CAT: variants seen among roughly 807,000 people sequenced by gnomAD.
CAT encodes epididymis secretory sperm binding protein.
Under a neutral mutation model 59.0 loss-of-function variants are expected in CAT, and 43 were observed. That is an observed-to-expected ratio of 0.73 (90% CI 0.57 to 0.94). CAT has a LOEUF of 0.94. Among genes scored for constraint, CAT ranks in the 40% least tolerant of loss-of-function variants. CAT has a pLI of 0.00. For synonymous variants in CAT, 218 were observed against 230.9 expected (o/e 0.94, Z 0.51); for missense variants, 664 against 682.9 (o/e 0.97, Z 0.31).
chr11:34,457,415 C>G (rs1856604371), intron 8 of CAT, among the ~76,000 whole-genome samples: 1 of 151,954 alleles, frequency 6.6e-6, no homozygotes, highest in South Asian at 2.1e-4. Context: ...CCCTGTTGGC[C>G]AGGCTGGTCT....
At chr11:34,465,141 ATAAAGT>A (rs1381631826) in intron 10 of CAT, among the ~76,000 whole-genome samples, 6 of 152,242 alleles carry the variant, frequency 3.9e-5, no homozygotes, top group South Asian at 2.1e-4. Context: ...CAATAAAATA[ATAAAGT>A]TAAAGGTATA....
chr11:34,468,199 C>T (rs1856740422), intron 10 of CAT, 89 bp from the exon 11 acceptor site: 4 of 918,140 alleles, frequency 4.4e-6, no homozygotes, highest in South Asian at 2.7e-5. Flanking sequence ...TTTTTTTTAT[C>T]ATTGATTTCC....
intron 8 of CAT, among the ~76,000 whole-genome samples, chr11:34,458,888 A>G (rs1856619226): frequency 6.6e-6 from 1 of 152,264 alleles, no homozygotes; most frequent in Admixed American, 6.5e-5. Flanking sequence ...CAGCTATTCA[A>G]ACAGTGGGGA....
intron 8 of CAT, among the ~76,000 whole-genome samples, chr11:34,457,839 A>T (rs569244941): frequency 1.3e-5 from 2 of 152,366 alleles, no homozygotes; most frequent in East Asian, 3.9e-4. Context: ...ACTGAAGGTT[A>T]CTTCTTATGT....
chr11:34,454,726 C>T (rs1474995135), intron 6 of CAT, among the ~76,000 whole-genome samples: 1 of 152,174 alleles, frequency 6.6e-6, no homozygotes, highest in Non-Finnish European at 1.5e-5. Flanking sequence ...ACAGTTGACC[C>T]ATTGGCTTGT....
intron 2 of CAT, among the ~76,000 whole-genome samples, chr11:34,450,500 C>T (rs995838872): frequency 6.6e-6 from 1 of 152,214 alleles, no homozygotes; most frequent in African/African-American, 2.4e-5. Context: ...TGCATTTCTT[C>T]ATCTCTTCTT....
intron 8 of CAT, chr11:34,460,981 G>T: frequency 4.1e-6 from 2 of 490,700 alleles, no homozygotes; most frequent in Middle Eastern, 1.2e-3. Context: ...AACTTGTTAT[G>T]CAGAAGGAAA....
chr11:34,453,923 T>G lies in CAT; in HGVS notation c.708T>G (p.Tyr236Ter), dbSNP rs752265868. The G allele has an allele frequency of 6.2e-7, 1 of 1,613,880 alleles. No individual in the cohort carries two copies. The highest frequency in any genetic ancestry group is 1.7e-5 in the Admixed American group (1 of 60,018). ...NGEAVYCKFH[Y>*]KTDQGIKNLS... ...AGGCAGTTTATTGCAAATTCCATTA[T>G]AAGGTATGTGTTACCTTTGGGGCAG... The change falls in exon 6 of 13, where the codon TAT becomes TAG. Residue 236 changes from tyrosine (Y) to a stop codon, truncating the protein, a stop_gained. Coordinates refer to ENST00000241052, the MANE Select transcript of CAT (RefSeq NM_001752.4). LOFTEE classifies it high-confidence loss of function.
At chr11:34,448,700 T>C (rs998814667) in intron 1 of CAT, among the ~76,000 whole-genome samples, 12 of 152,110 alleles carry the variant, frequency 7.9e-5, no homozygotes, top group Non-Finnish European at 5.9e-5. Context: ...AAATAGCTGG[T>C]GTACATTTCT....
At chr11:34,446,326 A>G (rs1179816860) in intron 1 of CAT, among the ~76,000 whole-genome samples, 1 of 152,210 alleles carries the variant, frequency 6.6e-6, no homozygotes, top group Non-Finnish European at 1.5e-5. Context: ...GAGTGGGGAA[A>G]TGGAAGAGAT....
At chr11:34,456,311 A>G in intron 7 of CAT, 109 bp downstream of exon 7, 1 of 851,966 alleles carries the variant, frequency 1.2e-6, no homozygotes, top group Non-Finnish European at 1.9e-6. Context: ...TATACAAAAT[A>G]CAGAGGGTAC....
At chr11:34,453,349 T>G (rs1856551725) in intron 5 of CAT, among the ~76,000 whole-genome samples, 155 bp downstream of exon 5, 1 of 152,250 alleles carries the variant, frequency 6.6e-6, no homozygotes. Flanking sequence ...CTGGCTTTAC[T>G]AATCATCCCC....
intron 1 of CAT, among the ~76,000 whole-genome samples, chr11:34,445,644 C>T (rs981293241): frequency 2.0e-5 from 3 of 151,544 alleles, no homozygotes; most frequent in African/African-American, 4.9e-5. Flanking sequence ...AGGAGAGGTA[C>T]GTATGGATGT....
chr11:34,444,514 G>A (rs974562095), intron 1 of CAT, among the ~76,000 whole-genome samples: 3 of 152,126 alleles, frequency 2.0e-5, no homozygotes, highest in Non-Finnish European at 4.4e-5. Context: ...GGGTGTATAC[G>A]TTGTAGGCAC....
At chr11:34,456,559 A>G in intron 7 of CAT, 106 bp from the exon 8 acceptor site, 1 of 1,122,218 alleles carries the variant, frequency 8.9e-7, no homozygotes, top group Non-Finnish European at 1.4e-6. Flanking sequence ...GGATTTAAAA[A>G]TTATTTTCAT....
chr11:34,470,954 T>G lies in CAT; in HGVS notation c.1435-4T>G, dbSNP rs767986871. ...TGCTTGCATTTATTTTCCTTTGGCCTTAGGTCAAGAACTTCACTGAGGTCC... is the reference window on the plus strand; with the variant it reads ...TGCTTGCATTTATTTTCCTTTGGCCGTAGGTCAAGAACTTCACTGAGGTCC... On this transcript the variant is annotated splice_region_variant and splice_polypyrimidine_tract_variant and intron_variant, in intron 11 of 12. Transcript: ENST00000241052. The G allele has an allele frequency of 6.2e-7, 1 of 1,612,892 alleles. No homozygotes were observed. The highest frequency in any genetic ancestry group is 8.5e-7 in the Non-Finnish European group (1 of 1,178,846).
chr11:34,460,623 AT>A (rs1249336440), intron 8 of CAT: 2,272 of 151,300 alleles, frequency 0.015, 48 homozygotes, highest in African/African-American at 0.05. Flanking sequence ...TAATGTTTTA[AT>A]TTTTTTTTTT....
chr11:34,471,385 T>C lies in CAT; in HGVS notation c.1536T>C (p.Phe512=). The change falls in exon 13 of 13, where the codon TTT becomes TTC. Residue 512 remains phenylalanine (F), a synonymous_variant. Transcript: ENST00000241052. ...AEKPKNAIHT[F]VQSGSHLAAR... The stretch of plus-strand genomic sequence containing the variant: ...TAAAACAGAATGCGATTCACACCTT[T>C]GTGCAGTCCGGATCTCACTTGGCGG... 6.2e-7 allele frequency: 1 copy of C among 1,614,004 alleles called. No homozygotes were observed. The highest frequency in any genetic ancestry group is 8.5e-7 in the Non-Finnish European group (1 of 1,179,852).
chr11:34,462,589 A>G (rs1856663454), intron 9 of CAT, among the ~76,000 whole-genome samples: 1 of 151,892 alleles, frequency 6.6e-6, no homozygotes, highest in South Asian at 2.1e-4. Context: ...ACGCCAGCTA[A>G]TTTTTGTATT....
Sources: gnomAD v4.1 joint callset for allele counts (sites outside exome capture counted in the v4.1 genomes callset) on GRCh38, gnomAD v4.1.1 for gene constraint, MANE v1.5 for transcripts, NCBI Gene and HGNC (gene_info 2026-07-23, HGNC 2026-07-21) for gene names.